Variants in SNX29 observed in about 807,000 individuals in gnomAD.
SNX29 encodes sorting nexin-29.
A neutral mutation model predicts 102.1 loss-of-function variants in SNX29; 78 were observed. The observed-to-expected ratio is 0.76, with a 90% CI of 0.64 to 0.92. The LOEUF (loss-of-function observed/expected upper bound fraction) is 0.92. Ranked by LOEUF, SNX29 falls within the 40% of genes least tolerant of loss-of-function variation. The probability of loss-of-function intolerance (pLI) is 0.00; values close to 1 mark genes in which losing one functional copy is unlikely to be tolerated. For missense variants in SNX29, 1,280 were observed against 1,061.7 expected (o/e 1.21, Z -2.86); for synonymous variants, 580 against 414.5 (o/e 1.40, Z -4.85).
intron 15 of SNX29, among the ~76,000 whole-genome samples, chr16:12,287,061 C>T (rs538222143): frequency 2.0e-5 from 3 of 152,292 alleles, no homozygotes; most frequent in East Asian, 1.9e-4. Flanking sequence ...CCCAGCTTCC[C>T]GAACAAGGAA....
At chr16:12,001,770 T>C (rs753691817) in intron 2 of SNX29, among the ~76,000 whole-genome samples, 2 of 151,992 alleles carry the variant, frequency 1.3e-5, no homozygotes, top group African/African-American at 4.8e-5. Context: ...GTAATCCCAG[T>C]GCTTTGAGAG....
intron 18 of SNX29, among the ~76,000 whole-genome samples, chr16:12,460,939 C>T (rs1401853452): frequency 1.3e-5 from 2 of 152,140 alleles, no homozygotes; most frequent in African/African-American, 4.8e-5. Flanking sequence ...CCGTACCCAG[C>T]CAAATGTGTG....
At chr16:12,142,630 T>A (rs1036349712) in intron 13 of SNX29, among the ~76,000 whole-genome samples, 3 of 152,092 alleles carry the variant, frequency 2.0e-5, no homozygotes, top group African/African-American at 7.2e-5. Context: ...AGTGGGGCGA[T>A]CTCAGATCAC....
rs546763644 is a variant in SNX29 at position 12,566,836 on chromosome 16, G to A, written c.2319-1670G>A. Among the ~76,000 whole-genome samples the A allele has an allele frequency of 2.7e-4, 41 of 152,320 alleles. 1 individual carries two copies. In the South Asian group the frequency reaches 6.4e-3, roughly 24 times the overall value. ...CAGAGCAGCTCCGGCTTTGTTCAAG[G>A]TCAAATGTTTCTTTTTCATCCATGC... On this transcript the variant is annotated intron_variant, in intron 20 of 20. Transcript: ENST00000566228.
intron 4 of SNX29, among the ~76,000 whole-genome samples, chr16:12,038,545 C>T (rs1596660810): frequency 6.6e-6 from 1 of 152,176 alleles, no homozygotes; most frequent in Admixed American, 6.5e-5. Context: ...AATTAAATTA[C>T]GGACACCGCA....
At chr16:12,223,332 C>G (rs183638436) in intron 14 of SNX29, among the ~76,000 whole-genome samples, 318 of 152,266 alleles carry the variant, frequency 2.1e-3, no homozygotes, top group African/African-American at 7.4e-3. Context: ...TTGAGACCAT[C>G]GTGGCCAACA....
At position 12,572,190 on chromosome 16, in the gene SNX29, C is replaced by T. The variant is rs1598142439; in HGVS notation, c.*3561C>T. 1.9e-5 allele frequency: 18 copies of T among 957,382 alleles called. No individual in the cohort carries two copies. The highest frequency in any genetic ancestry group is 2.2e-5 in the Non-Finnish European group (17 of 781,902). The allele number at this position is 957,382 out of a possible 1,614,324, so 59.3% of individuals were successfully genotyped here. A position where few individuals can be genotyped will look rare whatever the true frequency, so the allele number is the denominator to read the frequency against. The stretch of plus-strand genomic sequence containing the variant: ...ACCATGTAATTTCTTAGAACCATGG[C>T]AGGTAGTATTGTGCTTTAAAAACCA... On this transcript the variant is annotated 3_prime_UTR_variant, in exon 21 of 21. Coordinates refer to ENST00000566228, the MANE Select transcript of SNX29 (RefSeq NM_032167.5).
At chr16:12,100,385 C>T (rs1387469570) in intron 11 of SNX29, among the ~76,000 whole-genome samples, 2 of 152,152 alleles carry the variant, frequency 1.3e-5, no homozygotes, top group African/African-American at 2.4e-5. Flanking sequence ...TGCCCAGCGT[C>T]CTCCAGGGGA....
chr16:12,381,285 C>G (rs1337798023), intron 16 of SNX29, among the ~76,000 whole-genome samples: 2 of 85,172 alleles, frequency 2.3e-5, no homozygotes, highest in African/African-American at 1.0e-4. Context: ...CTGCCCACCA[C>G]CCATCCACCC....
At chr16:12,423,156 T>C (rs568952284) in intron 18 of SNX29, among the ~76,000 whole-genome samples, 9 of 151,830 alleles carry the variant, frequency 5.9e-5, no homozygotes, top group African/African-American at 2.2e-4. Context: ...CTCGGCTCGC[T>C]AAAGCCAGGA....
intron 19 of SNX29, among the ~76,000 whole-genome samples, chr16:12,522,768 C>T (rs981550724): frequency 4.6e-5 from 7 of 152,176 alleles, no homozygotes; most frequent in African/African-American, 9.7e-5. Context: ...AGTTAAACCT[C>T]TTTTCTGTAT....
At chr16:12,106,179 G>A (rs1236609187) in intron 11 of SNX29, among the ~76,000 whole-genome samples, 2 of 152,184 alleles carry the variant, frequency 1.3e-5, no homozygotes, top group Non-Finnish European at 2.9e-5. Flanking sequence ...TGCCCTGTGT[G>A]GGCTGAGGGA....
chr16:12,546,772 T>C (rs1219154435), intron 20 of SNX29: 1 of 104,898 alleles, frequency 9.5e-6, no homozygotes, highest in African/African-American at 4.8e-5. Context: ...CTACCTTCCA[T>C]GCAACAAAGG....
At chr16:12,119,083 A>T (rs2053865191) in intron 11 of SNX29, among the ~76,000 whole-genome samples, 2 of 152,200 alleles carry the variant, frequency 1.3e-5, no homozygotes, top group Admixed American at 1.3e-4. Context: ...GTGTGGTAAG[A>T]ACCTCAGTTT....
intron 19 of SNX29, among the ~76,000 whole-genome samples, chr16:12,523,954 T>C (rs1287952431): frequency 1.3e-5 from 2 of 152,190 alleles, no homozygotes; most frequent in Non-Finnish European, 2.9e-5. Flanking sequence ...TGGTGCCATC[T>C]TGGCTCACCA....
In SNX29 at chr16:12,110,509, C is replaced by G. The variant is rs147559261; in HGVS notation, c.1403-16124C>G. 2.6e-3 allele frequency among the ~76,000 whole-genome samples: 397 copies of G among 152,266 alleles called. 2 individuals are homozygous for G. Among genetic ancestry groups the G allele is most frequent in the African/African-American group, 9.2e-3 (384 of 41,538 alleles). On this transcript the variant is annotated intron_variant, in intron 11 of 20. Transcript: ENST00000566228. ...TAGGGCCACCTTTTGGCCTGCTGAGCCCTGTGACGAGGAAGGGACGGCCTT... is the reference window on the plus strand; with the variant it reads ...TAGGGCCACCTTTTGGCCTGCTGAGGCCTGTGACGAGGAAGGGACGGCCTT...
chr16:12,561,627 G>A (rs75518418), intron 20 of SNX29, among the ~76,000 whole-genome samples: 2,146 of 152,180 alleles, frequency 0.014, 50 homozygotes, highest in South Asian at 0.1. Flanking sequence ...ACCCCAAGAG[G>A]CTTATTAAAA....
chr16:12,029,331 T>C (rs1232712871), intron 4 of SNX29, among the ~76,000 whole-genome samples: 1 of 152,196 alleles, frequency 6.6e-6, no homozygotes, highest in African/African-American at 2.4e-5. Context: ...TCATGGTTCC[T>C]GAGGTACCAT....
chr16:12,437,451 C>T (rs1010150201), intron 18 of SNX29, among the ~76,000 whole-genome samples: 3 of 152,206 alleles, frequency 2.0e-5, no homozygotes. Context: ...GGAGGGTTGC[C>T]TGTGCCAGGC....
Sources: allele counts gnomAD v4.1 joint callset (sites outside exome capture counted in the v4.1 genomes callset), GRCh38; gene constraint gnomAD v4.1.1; transcripts MANE v1.5; gene names NCBI Gene and HGNC (gene_info 2026-07-23, HGNC 2026-07-21).